TTC5: variants seen among roughly 807,000 people sequenced by gnomAD.
The protein encoded by TTC5 is tetratricopeptide repeat domain 5, also known as tetratricopeptide repeat protein 5.
A neutral mutation model predicts 57.4 loss-of-function variants in TTC5; 46 were observed. The ratio of observed to expected loss-of-function variants is 0.80; its 90% CI spans 0.63 to 1.03. The LOEUF (loss-of-function observed/expected upper bound fraction) is 1.03, where lower values mean the gene tolerates loss of function less well. Among genes scored for constraint, TTC5 ranks in the 50% least tolerant of loss-of-function variants. TTC5 has a pLI of 0.00. For missense variants in TTC5, 504 were observed against 528.1 expected, an observed-to-expected ratio of 0.95 and a Z score of 0.45; for synonymous variants, 190 against 203.5, an observed-to-expected ratio of 0.93 and a Z score of 0.57.
intron 9 of TTC5, among the ~76,000 whole-genome samples, chr14:20,291,167 C>T (rs1279702500): frequency 1.3e-5 from 2 of 152,152 alleles, no homozygotes; most frequent in Admixed American, 1.3e-4. Flanking sequence ...GGTTCTCTCA[C>T]TTCAGCCTCC....
chr14:20,300,143 G>GTATATATGTATATA (rs1555311669), intron 3 of TTC5, among the ~76,000 whole-genome samples: 4 of 27,170 alleles, frequency 1.5e-4, no homozygotes, highest in African/African-American at 4.3e-4. Flanking sequence ...TCTGGTCCAT[G>GTATATATGTATATA]TATATATATA....
chr14:20,300,592 T>G lies in TTC5; in HGVS notation c.396+15A>C. On this transcript the variant is annotated intron_variant, in intron 3 of 9. Transcript: ENST00000258821. The stretch of plus-strand genomic sequence containing the variant: ...TTCCCATCTCTGCTTTCCAAAGGGA[T>G]AGGGGGCAGCTCACATGGGTGAGGG... 6.2e-7 allele frequency: 1 copy of G among 1,603,124 alleles called. No individual in the cohort carries two copies. The highest frequency in any genetic ancestry group is 1.1e-5 in the South Asian group (1 of 90,296).
Position 20,295,436 on chromosome 14 carries a change from C to G in TTC5, c.934G>C (p.Ala312Pro), listed in dbSNP as rs1294927221. 6.2e-7 allele frequency: 1 copy of G among 1,614,084 alleles called. No homozygotes were observed. The highest frequency in any genetic ancestry group is 1.3e-5 in the African/African-American group (1 of 74,932). The change falls in exon 8 of 10, where the codon GCC (alanine) becomes CCC (proline). Residue 312 changes from alanine (A) to proline (P), a missense_variant. By Grantham distance (27) the Ala-to-Pro change is conservative (BLOSUM62 -1). Transcript: ENST00000258821. The part of the protein sequence containing the change: ...GPCSDGHYQS[A>P]SGQKVTLELK... ...TCCAGGGTCACTTTCTGCCCAGAGGCTGACTGATAGTGCCCATCACTGCAA... is the reference window on the plus strand; with the variant it reads ...TCCAGGGTCACTTTCTGCCCAGAGGGTGACTGATAGTGCCCATCACTGCAA...
chr14:20,295,888 T>A (rs1345154382), intron 6 of TTC5, 34 bp from the exon 7 acceptor site: 1 of 1,530,334 alleles, frequency 6.5e-7, no homozygotes, highest in Non-Finnish European at 8.8e-7. Context: ...TATAAGTATA[T>A]CCAGACAAAC....
intron 1 of TTC5, 132 bp downstream of exon 1, chr14:20,305,755 T>G (rs1594268468): frequency 1.1e-6 from 1 of 948,770 alleles, no homozygotes; most frequent in Non-Finnish European, 1.7e-6. Context: ...CCCTCGAGGG[T>G]TGTTATAGTA....
chr14:20,302,817 G>A (rs1882218178), intron 1 of TTC5, among the ~76,000 whole-genome samples: 1 of 152,078 alleles, frequency 6.6e-6, no homozygotes. Context: ...GTTGTTTCAG[G>A]CACAAAATTA....
intron 6 of TTC5, 55 bp downstream of exon 6, chr14:20,296,335 G>T: frequency 7.2e-7 from 1 of 1,379,588 alleles, no homozygotes; most frequent in Non-Finnish European, 1.0e-6. Context: ...CACAAGCTAA[G>T]ACATAGGTGT....
chr14:20,286,834 G>A lies in TTC5; in HGVS notation c.*2793C>T, dbSNP rs946793955. ...AATTTGACATCCAATACAGCAGTGT[G>A]CAAAGACTCGAATAGGCATTTTACC... On this transcript the variant is annotated 3_prime_UTR_variant, in exon 10 of 10. Coordinates refer to ENST00000258821, the MANE Select transcript of TTC5 (RefSeq NM_138376.3). 1.3e-5 allele frequency: 2 copies of A among 152,160 alleles called. No homozygotes were observed. The highest frequency in any genetic ancestry group is 2.4e-5 in the African/African-American group (1 of 41,520). 9.4% of individuals were successfully genotyped at this position (152,160 alleles called of 1,614,324 possible).
Position 20,295,410 on chromosome 14 carries a change from C to T in TTC5, c.960G>A (p.Glu320=), listed in dbSNP as rs774471603. Residue 320 remains glutamate, a synonymous_variant, in exon 8 of 10, where the codon GAG becomes GAA. Coordinates refer to ENST00000258821, the MANE Select transcript of TTC5 (RefSeq NM_138376.3). ...GCTGAAGCGTACTCAGTGGCTTGAG[C>T]TCCAGGGTCACTTTCTGCCCAGAGG... is the stretch of plus-strand genomic sequence containing the variant. The part of the protein sequence containing the change: ...QSASGQKVTL[E]LKPLSTLQPG... 1 of 1,614,174 alleles carries T rather than the reference C, an allele frequency of 6.2e-7. No individual in the cohort carries two copies. Among genetic ancestry groups the T allele is most frequent in the Non-Finnish European group, 8.5e-7 (1 of 1,180,016 alleles).
chr14:20,295,476 T>G lies in TTC5; in HGVS notation c.894A>C (p.Pro298=). The change falls in exon 8 of 10, where the codon CCA becomes CCC. Residue 298 remains proline, a synonymous_variant. Coordinates refer to ENST00000258821, the MANE Select transcript of TTC5 (RefSeq NM_138376.3). The stretch of plus-strand genomic sequence containing the variant: ...CATCACTGCAAGGGCCTAGATGGGC[T>G]GGGCGCAAGCTTCCCAGCATGCTCT... ...KLQSMLGSLR[P]AHLGPCSDGH... 6.2e-7 allele frequency: 1 copy of G among 1,614,078 alleles called. No individual in the cohort carries two copies. Among genetic ancestry groups the G allele is most frequent in the South Asian group, 1.1e-5 (1 of 91,074 alleles).
chr14:20,303,807 T>G (rs997922464), intron 1 of TTC5, among the ~76,000 whole-genome samples: 2 of 152,190 alleles, frequency 1.3e-5, no homozygotes, highest in East Asian at 3.8e-4. Flanking sequence ...CCTCTCACCA[T>G]TCTCTCTCCT....
At chr14:20,295,667 A>T in intron 7 of TTC5, 41 bp downstream of exon 7, 1 of 1,393,586 alleles carries the variant, frequency 7.2e-7, no homozygotes, top group Non-Finnish European at 9.7e-7. Flanking sequence ...CGACAAAATA[A>T]AAAAAAAAAA....
chr14:20,302,030 C>A (rs879251848), intron 1 of TTC5, 65 bp from the exon 2 acceptor site: 1 of 1,563,454 alleles, frequency 6.4e-7, no homozygotes, highest in Non-Finnish European at 8.8e-7. Context: ...TTGAAATTGG[C>A]TAGCCATACC....
At position 20,295,314 on chromosome 14, in the gene TTC5, G is replaced by A; in HGVS notation, c.1056C>T (p.Pro352=). 1 of 1,613,632 alleles carries A rather than the reference G, an allele frequency of 6.2e-7. No individual in the cohort carries two copies. The highest frequency in any genetic ancestry group is 8.5e-7 in the Non-Finnish European group (1 of 1,179,550). Reference sequence around the variant, plus strand: ...GGGGAAATCCAAGAGAAACTCACAAGGGGACTTTCTCCTCTGTGGTGAGGC... The same window carrying A: ...GGGGAAATCCAAGAGAAACTCACAAAGGGACTTTCTCCTCTGTGGTGAGGC... The part of the protein sequence containing the change: ...VFSLTTEEKV[P]FTFGLVDSDG... The change falls in exon 8 of 10, where the codon CCC becomes CCT. Residue 352 remains proline (P), a splice_region_variant and synonymous_variant. Transcript: ENST00000258821.
intron 1 of TTC5, among the ~76,000 whole-genome samples, chr14:20,304,114 G>A (rs984660056): frequency 7.2e-5 from 11 of 152,166 alleles, no homozygotes; most frequent in Admixed American, 2.6e-4. Context: ...CCACTGAAAT[G>A]TAAGCTCCAG....
rs1199831963 is a variant in TTC5, at chr14:20,296,433, C to A, written c.653G>T (p.Arg218Ile). The change falls in exon 6 of 10, where the codon AGA becomes ATA. Residue 218 changes from arginine to isoleucine, a missense_variant. Transcript: ENST00000258821. ...AAGGTCAGGATTGCTAGAAGCTTTT[C>A]TGTCAACTTTCTCCTATAATGGGAT... ...SAYAQAEKVD[R>I]KASSNPDLHL... 6.2e-7 allele frequency: 1 copy of A among 1,612,366 alleles called. No individual in the cohort carries two copies. Among genetic ancestry groups the A allele is most frequent in the Admixed American group, 1.7e-5 (1 of 60,018 alleles).
rs768774724 is a variant in TTC5, at chr14:20,295,371, G to T, written c.999C>A (p.Ser333Arg). ...PLSTLQPGVNSGAVILGKVVF... is the reference protein window; with the variant it reads ...PLSTLQPGVNRGAVILGKVVF... ...CCACCTTTCCCAGGATGACGGCACC[G>T]CTGTTCACCCCAGGCTGAAGCGTAC... The change falls in exon 8 of 10, where the codon AGC (serine) becomes AGA (arginine). Residue 333 changes from serine to arginine, a missense_variant. Coordinates refer to ENST00000258821, the MANE Select transcript of TTC5 (RefSeq NM_138376.3). The T allele has an allele frequency of 1.2e-6, 2 of 1,614,158 alleles. No individual in the cohort carries two copies. Among genetic ancestry groups the T allele is most frequent in the Non-Finnish European group, 1.7e-6 (2 of 1,180,022 alleles).
intron 3 of TTC5, among the ~76,000 whole-genome samples, chr14:20,300,100 A>G (rs1455387396): frequency 6.9e-6 from 1 of 144,640 alleles, no homozygotes; most frequent in Non-Finnish European, 1.5e-5. Flanking sequence ...TTGGCCTCCC[A>G]AAGTGCTGGG....
intron 2 of TTC5, 79 bp from the exon 3 acceptor site, chr14:20,300,897 C>T (rs769254728): frequency 2.5e-5 from 29 of 1,139,416 alleles, no homozygotes; most frequent in Non-Finnish European, 2.5e-5. Flanking sequence ...AATAACTACA[C>T]GTCAGTTTTA....
Sources: gnomAD v4.1 joint callset for allele counts (sites outside exome capture counted in the v4.1 genomes callset) on GRCh38, gnomAD v4.1.1 for gene constraint, MANE v1.5 for transcripts, NCBI Gene and HGNC (gene_info 2026-07-23, HGNC 2026-07-21) for gene names.